Variants in CD34 observed in about 807,000 individuals in gnomAD.
CD34 encodes the protein hematopoietic progenitor cell antigen CD34.
CD34 carries 34 observed loss-of-function variants against 40.1 expected under a neutral mutation model. The ratio of observed to expected loss-of-function variants is 0.85; its 90% CI spans 0.65 to 1.13. The LOEUF (loss-of-function observed/expected upper bound fraction) is 1.13. CD34 is among the 50% of genes most tolerant of loss of function. CD34 has a pLI of 0.00. For missense variants in CD34, 426 were observed against 466.9 expected, an observed-to-expected ratio of 0.91 and a Z score of 0.81; for synonymous variants, 209 against 190.0, an observed-to-expected ratio of 1.10 and a Z score of -0.82.
intron 1 of CD34, among the ~76,000 whole-genome samples, chr1:207,908,066 C>T (rs775869196): frequency 1.3e-5 from 2 of 152,186 alleles, no homozygotes; most frequent in East Asian, 1.9e-4. Context: ...TAAAGGAAAT[C>T]AGGCAATGAG....
chr1:207,889,624 G>A lies in CD34; in HGVS notation c.598-3C>T, dbSNP rs746607707. 1.6e-5 allele frequency: 25 copies of A among 1,612,170 alleles called. No individual in the cohort carries two copies. In the South Asian group the frequency reaches 2.4e-4, roughly 16 times the overall value. On this transcript the variant is annotated splice_polypyrimidine_tract_variant and splice_region_variant and intron_variant, in intron 4 of 7. Transcript: ENST00000310833. ...CCCCTGTCCTTCTTAAACTCCGCCT[G>A]GGAAGACAGAGAAACATGGAGAGCA...
chr1:207,910,351 C>T (rs985511619), intron 1 of CD34, among the ~76,000 whole-genome samples: 1 of 152,292 alleles, frequency 6.6e-6, no homozygotes, highest in Non-Finnish European at 1.5e-5. Context: ...ACCTCCTCCG[C>T]GGTGGGGTTG....
rs1331371612 is a variant in CD34 at position 207,887,481 on chromosome 1, C to G, written c.*257G>C. ...CCATCGATTGTTCCTGGGAGCTTCTCCAGACCTTGGCTTTCCCCCGTCACA... is the reference window on the plus strand; with the variant it reads ...CCATCGATTGTTCCTGGGAGCTTCTGCAGACCTTGGCTTTCCCCCGTCACA... On this transcript the variant is annotated 3_prime_UTR_variant, in exon 8 of 8. Coordinates refer to ENST00000310833, the MANE Select transcript of CD34 (RefSeq NM_001025109.2). The G allele has an allele frequency of 2.0e-6, 1 of 501,698 alleles. No individual in the cohort carries two copies. Among genetic ancestry groups the G allele is most frequent in the Admixed American group, 3.3e-5 (1 of 30,188 alleles). 31.1% of individuals were successfully genotyped at this position (501,698 alleles called of 1,614,324 possible). A position where few individuals can be genotyped will look rare whatever the true frequency, so the allele number is the denominator to read the frequency against.
At chr1:207,900,084 G>T in intron 1 of CD34, 81 bp from the exon 2 acceptor site, 1 of 1,092,548 alleles carries the variant, frequency 9.2e-7, no homozygotes. Context: ...CCTGACTTCA[G>T]GTAGAATTCG....
rs773662838 is a variant in CD34, at chr1:207,897,565, G to T, written c.525C>A (p.Ile175=). The part of the protein sequence containing the change: ...SPILSDIKAE[I]KCSGIREVKL... ...TCACTTCTCTGATGCCTGAACATTTGATTTCTGCCTGTATTAAAACAAAAA... is the reference window on the plus strand; with the variant it reads ...TCACTTCTCTGATGCCTGAACATTTTATTTCTGCCTGTATTAAAACAAAAA... Residue 175 remains isoleucine, a synonymous_variant, in exon 4 of 8, where the codon ATC becomes ATA. Coordinates refer to ENST00000310833, the MANE Select transcript of CD34 (RefSeq NM_001025109.2). 1.3e-6 allele frequency: 2 copies of T among 1,553,498 alleles called. No homozygotes were observed. Among genetic ancestry groups the T allele is most frequent in the Non-Finnish European group, 1.7e-6 (2 of 1,147,118 alleles).
chr1:207,898,352 C>G (rs1013517146), intron 3 of CD34, among the ~76,000 whole-genome samples: 1 of 152,032 alleles, frequency 6.6e-6, no homozygotes, highest in African/African-American at 2.4e-5. Context: ...GCCCTGGCTC[C>G]TTTAAAAACA....
chr1:207,889,942 A>ATTTC, intron 4 of CD34: 1 of 1,480,292 alleles, frequency 6.8e-7, no homozygotes, highest in African/African-American at 1.4e-5. Flanking sequence ...AAATGGCCAA[A>ATTTC]AACAGAAAAT....
intron 1 of CD34, among the ~76,000 whole-genome samples, chr1:207,905,529 T>C (rs1284479318): frequency 6.6e-6 from 1 of 152,232 alleles, no homozygotes; most frequent in East Asian, 1.9e-4. Context: ...ATATTTACTC[T>C]CTGGCCCTTT....
At chr1:207,909,478 G>A (rs1375375925) in intron 1 of CD34, among the ~76,000 whole-genome samples, 1 of 151,936 alleles carries the variant, frequency 6.6e-6, no homozygotes, top group Non-Finnish European at 1.5e-5. Flanking sequence ...CCAGGATCTT[G>A]GCTCGCTGCA....
intron 1 of CD34, among the ~76,000 whole-genome samples, chr1:207,907,862 C>A (rs1183521004): frequency 6.6e-6 from 1 of 152,154 alleles, no homozygotes; most frequent in South Asian, 2.1e-4. Flanking sequence ...ACAGCCCTGG[C>A]GACTGTGAGA....
At chr1:207,892,521 G>A (rs1157107529) in intron 4 of CD34, among the ~76,000 whole-genome samples, 1 of 151,912 alleles carries the variant, frequency 6.6e-6, no homozygotes, top group Non-Finnish European at 1.5e-5. Flanking sequence ...AGAGGTTGCA[G>A]TGAACTGAGA....
At chr1:207,890,314 C>T in intron 4 of CD34, 3 of 794,742 alleles carry the variant, frequency 3.8e-6, no homozygotes, top group Non-Finnish European at 4.6e-6. Flanking sequence ...AGAATTTATT[C>T]CAGCAGCCTC....
At chr1:207,900,488 T>C (rs1662251718) in intron 1 of CD34, among the ~76,000 whole-genome samples, 1 of 152,196 alleles carries the variant, frequency 6.6e-6, no homozygotes, top group African/African-American at 2.4e-5. Flanking sequence ...CTTTTTTCTT[T>C]TCACTGTATC....
intron 1 of CD34, 124 bp downstream of exon 1, chr1:207,910,878 A>C: frequency 1.1e-6 from 1 of 943,594 alleles, no homozygotes; most frequent in South Asian, 1.5e-5. Flanking sequence ...TGTGGGCGGC[A>C]GTGCGTGGGT....
chr1:207,899,010 G>T lies in CD34; in HGVS notation c.479C>A (p.Pro160His), dbSNP rs1324080052. ...TAGGATAGGAGAAGATGATGTATAG[G>T]GTTTAGTGGGAGATGTTGCAAGGCT... ...STSLATSPTK[P>H]YTSSSPILSD... Residue 160 changes from proline (P) to histidine (H), a missense_variant, in exon 3 of 8, where the codon CCC becomes CAC. Physicochemically the swap from Pro to His is moderately conservative, Grantham distance 77. Coordinates refer to ENST00000310833, the MANE Select transcript of CD34 (RefSeq NM_001025109.2). The T allele has an allele frequency of 2.1e-5, 34 of 1,614,088 alleles. No individual in the cohort carries two copies. The highest frequency in any genetic ancestry group is 2.7e-5 in the Non-Finnish European group (32 of 1,180,030).
chr1:207,893,102 G>A (rs1427334072), intron 4 of CD34, among the ~76,000 whole-genome samples: 2 of 152,200 alleles, frequency 1.3e-5, no homozygotes, highest in Non-Finnish European at 2.9e-5. Flanking sequence ...TCACGGGAGA[G>A]TGGGCAGGAG....
At chr1:207,902,009 C>T (rs919752112) in intron 1 of CD34, among the ~76,000 whole-genome samples, 7 of 152,124 alleles carry the variant, frequency 4.6e-5, no homozygotes, top group Admixed American at 4.6e-4. Flanking sequence ...TTTGGCTTCA[C>T]GGCCATCAAC....
At chr1:207,889,765 A>C in intron 4 of CD34, 144 bp from the exon 5 acceptor site, 1 of 1,587,346 alleles carries the variant, frequency 6.3e-7, no homozygotes, top group Non-Finnish European at 8.5e-7. Flanking sequence ...GAAAAAAAAA[A>C]AACTGCTAAC....
chr1:207,907,770 A>G (rs1277386236), intron 1 of CD34, among the ~76,000 whole-genome samples: 2 of 152,182 alleles, frequency 1.3e-5, no homozygotes, highest in Non-Finnish European at 2.9e-5. Context: ...AGTCATAGAT[A>G]ATATGTTTTC....
Sources: allele counts gnomAD v4.1 joint callset (sites outside exome capture counted in the v4.1 genomes callset), GRCh38; gene constraint gnomAD v4.1.1; transcripts MANE v1.5; gene names NCBI Gene and HGNC (gene_info 2026-07-23, HGNC 2026-07-21).